Variants in PGS1 observed in about 807,000 individuals in gnomAD.
PGS1 encodes phosphatidylglycerophosphate synthase 1.
A neutral mutation model predicts 58.3 loss-of-function variants in PGS1; 44 were observed. The ratio of observed to expected loss-of-function variants is 0.75; its 90% CI spans 0.59 to 0.97. PGS1 has a LOEUF of 0.97. Ranked by LOEUF, PGS1 falls within the 50% of genes least tolerant of loss-of-function variation. The pLI is 0.00. For missense variants in PGS1, 684 were observed against 731.1 expected (o/e 0.94, Z 0.74); for synonymous variants, 330 against 311.0 (o/e 1.06, Z -0.64).
chr17:78,388,320 T>C (rs1053618385), intron 1 of PGS1, among the ~76,000 whole-genome samples: 7 of 152,240 alleles, frequency 4.6e-5, no homozygotes, highest in African/African-American at 1.7e-4. Context: ...CCCTGACACC[T>C]GTGTAGGCTC....
chr17:78,420,214 A>G (rs2085588023), intron 9 of PGS1: 3 of 996,720 alleles, frequency 3.0e-6, no homozygotes, highest in South Asian at 4.4e-5. Flanking sequence ...GCGGTTACAG[A>G]GCTGCGCCCT....
intron 9 of PGS1, chr17:78,421,172 A>G (rs909504007): frequency 2.6e-5 from 4 of 152,238 alleles, no homozygotes; most frequent in African/African-American, 9.6e-5. Flanking sequence ...ATGTGTGTTT[A>G]TAAAGCCAGC....
chr17:78,410,504 T>C (rs1176407276), intron 7 of PGS1, among the ~76,000 whole-genome samples: 1 of 119,414 alleles, frequency 8.4e-6, no homozygotes, highest in South Asian at 3.1e-4. Flanking sequence ...GACGGAGTCT[T>C]GCTCTGTCAC....
intron 1 of PGS1, among the ~76,000 whole-genome samples, chr17:78,390,046 T>C (rs2082703615): frequency 7.0e-6 from 1 of 142,398 alleles, no homozygotes; most frequent in South Asian, 2.2e-4. Context: ...ATTGATTTTA[T>C]GCTGCTGTTG....
At chr17:78,380,531 C>T (rs1453456814) in intron 1 of PGS1, among the ~76,000 whole-genome samples, 2 of 152,178 alleles carry the variant, frequency 1.3e-5, no homozygotes, top group Non-Finnish European at 2.9e-5. Flanking sequence ...AAGAAATGGC[C>T]TCTGCATTTT....
intron 2 of PGS1, among the ~76,000 whole-genome samples, chr17:78,396,043 C>T (rs1196781433): frequency 6.6e-6 from 1 of 152,254 alleles, no homozygotes; most frequent in Non-Finnish European, 1.5e-5. Flanking sequence ...CCCAGCCTGC[C>T]TTCATTCTTC....
At position 78,403,966 on chromosome 17, in the gene PGS1, G is replaced by A. The variant is rs747275295; in HGVS notation, c.1279G>A (p.Ala427Thr). 4.3e-6 allele frequency: 7 copies of A among 1,613,954 alleles called. No individual in the cohort carries two copies. Among genetic ancestry groups the A allele is most frequent in the African/African-American group, 2.7e-5 (2 of 74,936 alleles). ...GFFGAKGVAG[A>T]IPAAYVHIER... is the part of the protein sequence containing the mutation. ...CTTTGGGGCCAAGGGGGTGGCCGGCGCCATCCCAGCGGCCTATGTGCACAT... is the reference window on the plus strand; with the variant it reads ...CTTTGGGGCCAAGGGGGTGGCCGGCACCATCCCAGCGGCCTATGTGCACAT... Residue 427 changes from alanine (A) to threonine (T), a missense_variant, in exon 7 of 10, where the codon GCC becomes ACC. Physicochemically the swap from Ala to Thr is moderately conservative, Grantham distance 58. Transcript: ENST00000262764.
intron 7 of PGS1, among the ~76,000 whole-genome samples, chr17:78,407,133 A>G (rs1007253564): frequency 2.0e-5 from 3 of 151,446 alleles, no homozygotes; most frequent in Admixed American, 2.0e-4. Context: ...ATTGGGGATG[A>G]TCTTACAGCT....
At chr17:78,392,927 A>G (rs1392665211) in intron 2 of PGS1, among the ~76,000 whole-genome samples, 1 of 151,994 alleles carries the variant, frequency 6.6e-6, no homozygotes, top group Non-Finnish European at 1.5e-5. Flanking sequence ...TTTATTTACT[A>G]ATTTTGTTAT....
Position 78,398,247 on chromosome 17 carries a change from G to C in PGS1, c.412-5G>C, listed in dbSNP as rs766374346. The C allele has an allele frequency of 2.4e-5, 39 of 1,599,200 alleles. No homozygotes were observed. The South Asian group carries it at 3.3e-4, about 14-fold the overall frequency. On this transcript the variant is annotated splice_polypyrimidine_tract_variant and splice_region_variant and intron_variant, in intron 3 of 9. Transcript: ENST00000262764. ...AATCTTCTTTTCTGTGTTCTTTCTT[G>C]GTAGGTGGACTGCCTGGAAAGTACT...
At chr17:78,423,789 A>ATTTAAGAGAACGAAAAACC in intron 9 of PGS1, 1 of 1,354,344 alleles carries the variant, frequency 7.4e-7, no homozygotes, top group Non-Finnish European at 1.0e-6. Context: ...GCACCTGATT[A>ATTTAAGAGAACGAAAAACC]TTTAAGAGAA....
intron 1 of PGS1, among the ~76,000 whole-genome samples, chr17:78,385,757 C>T (rs1478357949): frequency 6.6e-6 from 1 of 152,204 alleles, no homozygotes; most frequent in Non-Finnish European, 1.5e-5. Flanking sequence ...TGTTCCATAG[C>T]TTCTCAGCTG....
intron 8 of PGS1, among the ~76,000 whole-genome samples, chr17:78,417,856 C>T (rs1188211145): frequency 6.6e-6 from 1 of 151,336 alleles, no homozygotes; most frequent in Non-Finnish European, 1.5e-5. Context: ...GGAGAGAGCA[C>T]TTGGAGGGCA....
At position 78,403,874 on chromosome 17, in the gene PGS1, T is replaced by C. The variant is rs1468634508; in HGVS notation, c.1187T>C (p.Met396Thr). 5 of 1,614,092 alleles carry C rather than the reference T, an allele frequency of 3.1e-6. No homozygotes were observed. Among genetic ancestry groups the C allele is most frequent in the East Asian group, 2.2e-5 (1 of 44,898 alleles). ...TGYFNLTQAY[M>T]DLVLGTRAEY... ...TATTTCAACCTGACCCAGGCCTACA[T>C]GGACCTGGTCTTGGGCACTCGGGCT... Residue 396 changes from methionine (M) to threonine (T), a missense_variant, in exon 7 of 10, where the codon ATG becomes ACG. Transcript: ENST00000262764.
At position 78,402,060 on chromosome 17, in the gene PGS1, C is replaced by T. The variant is rs1033876963; in HGVS notation, c.880+1205C>T. The stretch of plus-strand genomic sequence containing the variant: ...GGCTCAGGGTGTGCGCAGGGCCCCC[C>T]GGTGCTCCTCCCTCCGGCAGCCCTG... On this transcript the variant is annotated intron_variant, in intron 6 of 9. Transcript: ENST00000262764. Among the ~76,000 whole-genome samples the T allele has an allele frequency of 1.2e-4, 18 of 151,666 alleles. 1 individual carries two copies. Among genetic ancestry groups the T allele is most frequent in the Admixed American group, 9.8e-4 (15 of 15,238 alleles).
At position 78,424,068 on chromosome 17, in the gene PGS1, C is replaced by G. The variant is rs754432776; in HGVS notation, c.*18C>G. 2.5e-6 allele frequency: 4 copies of G among 1,614,016 alleles called. No homozygotes were observed. The highest frequency in any genetic ancestry group is 3.4e-6 in the Non-Finnish European group (4 of 1,179,896). On this transcript the variant is annotated 3_prime_UTR_variant, in exon 10 of 10. Coordinates refer to ENST00000262764, the MANE Select transcript of PGS1 (RefSeq NM_024419.5). Reference sequence around the variant, plus strand: ...TCTCCATGCGGTCCACAGGAATGGCCTTGATGAAGATGACAGGCATGGCCG... The same window carrying G: ...TCTCCATGCGGTCCACAGGAATGGCGTTGATGAAGATGACAGGCATGGCCG...
chr17:78,423,993 G>C, intron 9 of PGS1, 68 bp from the exon 10 acceptor site: 1 of 1,614,034 alleles, frequency 6.2e-7, no homozygotes. Context: ...AGACATAGGT[G>C]GGGCCGCGGA....
At position 78,400,350 on chromosome 17, in the gene PGS1, A is replaced by G. The variant is rs575839781; in HGVS notation, c.702-327A>G. Among the ~76,000 whole-genome samples, 1 of 150,874 alleles carries G rather than the reference A, an allele frequency of 6.6e-6. No individual in the cohort carries two copies. The highest frequency in any genetic ancestry group is 2.0e-4 in the East Asian group (1 of 5,102). On this transcript the variant is annotated intron_variant, in intron 5 of 9. Transcript: ENST00000262764. This position sits in a 1 kb window ranked among gnomAD's most constrained non-coding sequence, Gnocchi z 4.4. Reference sequence around the variant, plus strand: ...CAGGGAGCCAAGATCATGCCACTGCACTCCAGCCTGGGCGACAGAATGAGA... The same window carrying G: ...CAGGGAGCCAAGATCATGCCACTGCGCTCCAGCCTGGGCGACAGAATGAGA...
chr17:78,381,758 T>A (rs539491848), intron 1 of PGS1, among the ~76,000 whole-genome samples: 1 of 152,350 alleles, frequency 6.6e-6, no homozygotes, highest in South Asian at 2.1e-4. Context: ...CGCGGTTTCC[T>A]TTCAGGCATA....
Sources: gnomAD v4.1 joint callset for allele counts (sites outside exome capture counted in the v4.1 genomes callset) on GRCh38, gnomAD v4.1.1 for gene constraint, Gnocchi (gnomAD v3.1) non-coding constraint, MANE v1.5 for transcripts, NCBI Gene and HGNC (gene_info 2026-07-23, HGNC 2026-07-21) for gene names.